Variants in SIGLEC5 observed in about 807,000 individuals in gnomAD.
SIGLEC5 encodes the protein sialic acid-binding Ig-like lectin 5.
SIGLEC5 carries 34 observed loss-of-function variants against 45.9 expected under a neutral mutation model. That is an observed-to-expected ratio of 0.74 (90% CI 0.56 to 0.99). SIGLEC5 has a LOEUF of 0.99. Among genes scored for constraint, SIGLEC5 ranks in the 50% least tolerant of loss-of-function variants. The pLI is 0.00. For missense variants in SIGLEC5, 508 were observed against 629.6 expected (o/e 0.81, Z 2.07); for synonymous variants, 203 against 258.6 (o/e 0.79, Z 2.06).
At chr19:51,613,712 C>T (rs1418385177) in intron 8 of SIGLEC5, among the ~76,000 whole-genome samples, 2 of 152,032 alleles carry the variant, frequency 1.3e-5, no homozygotes, top group African/African-American at 4.8e-5. Context: ...TCTAATTATC[C>T]CCACCTTACA....
chr19:51,627,046 A>G, intron 7 of SIGLEC5, 103 bp downstream of exon 7: 1 of 834,960 alleles, frequency 1.2e-6, no homozygotes, highest in Non-Finnish European at 1.9e-6. Context: ...TGGAACCACA[A>G]GCACACATCA....
chr19:51,623,777 G>A (rs11084095), intron 8 of SIGLEC5, among the ~76,000 whole-genome samples: 45,594 of 152,154 alleles, frequency 0.3, 8,341 homozygotes, highest in Non-Finnish European at 0.4. Context: ...TGATGCTAAA[G>A]GAAAGCTCGT....
At chr19:51,629,174 C>A (rs954089457) in intron 3 of SIGLEC5, 98 bp from the exon 4 acceptor site, 9 of 1,526,110 alleles carry the variant, frequency 5.9e-6, no homozygotes, top group African/African-American at 4.1e-5. Context: ...ACCCACCAAG[C>A]GGGGAAGGCT....
rs985935767 is a variant in SIGLEC5, at chr19:51,629,177, G to A, written c.701-101C>T. The A allele has an allele frequency of 9.8e-6, 15 of 1,527,364 alleles. No homozygotes were observed. In the African/African-American group the frequency reaches 1.9e-4, roughly 20 times the overall value. The allele number at this position is 1,527,364 out of a possible 1,614,324, so 94.6% of individuals were successfully genotyped here. Reference sequence around the variant, plus strand: ...GGAGCCACAGAAACCCACCAAGCGGGGAAGGCTGTCCTGTCTCACTCCCCG... The same window carrying A: ...GGAGCCACAGAAACCCACCAAGCGGAGAAGGCTGTCCTGTCTCACTCCCCG... On this transcript the variant is annotated intron_variant, in intron 3 of 8. Transcript: ENST00000683636.
intron 8 of SIGLEC5, among the ~76,000 whole-genome samples, chr19:51,616,744 T>C (rs1252810733): frequency 6.6e-6 from 1 of 151,418 alleles, no homozygotes; most frequent in East Asian, 1.9e-4. Flanking sequence ...AAATCCTGTC[T>C]CTAAAAAAAT....
chr19:51,622,079 G>A (rs1426749973), intron 8 of SIGLEC5, among the ~76,000 whole-genome samples: 3 of 152,064 alleles, frequency 2.0e-5, no homozygotes, highest in Non-Finnish European at 4.4e-5. Context: ...TGTATTTTTT[G>A]GAATTTGACA....
chr19:51,616,638 G>A (rs1402673994), intron 8 of SIGLEC5, among the ~76,000 whole-genome samples: 3 of 152,108 alleles, frequency 2.0e-5, no homozygotes, highest in Non-Finnish European at 4.4e-5. Flanking sequence ...CTGGCCAGGC[G>A]TGGTGGCTCA....
intron 8 of SIGLEC5, among the ~76,000 whole-genome samples, chr19:51,613,724 A>G (rs1026422096): frequency 2.6e-5 from 4 of 152,124 alleles, no homozygotes; most frequent in African/African-American, 9.7e-5. Flanking sequence ...CACCTTACAC[A>G]CAGGGAAACT....
At chr19:51,622,911 C>A (rs1284253558) in intron 8 of SIGLEC5, among the ~76,000 whole-genome samples, 1 of 152,174 alleles carries the variant, frequency 6.6e-6, no homozygotes, top group African/African-American at 2.4e-5. Flanking sequence ...ACATAATGAT[C>A]TCCAGTTCCA....
intron 8 of SIGLEC5, among the ~76,000 whole-genome samples, chr19:51,623,800 G>A (rs4801882): frequency 0.36 from 55,317 of 152,024 alleles, 11,384 homozygotes; most frequent in East Asian, 0.56. Context: ...GTGTTAGTAC[G>A]GTGAGACAAG....
chr19:51,613,507 C>T, intron 8 of SIGLEC5, among the ~76,000 whole-genome samples: 1 of 151,982 alleles, frequency 6.6e-6, no homozygotes, highest in East Asian at 2.0e-4. Context: ...CTGTACGTGC[C>T]CAGGAACCGG....
chr19:51,615,160 T>G (rs1983008044), intron 8 of SIGLEC5, among the ~76,000 whole-genome samples: 1 of 152,170 alleles, frequency 6.6e-6, no homozygotes, highest in Non-Finnish European at 1.5e-5. Flanking sequence ...CTACCATAGT[T>G]CTTGTCAAAA....
chr19:51,627,097 C>G (rs1983507141), intron 7 of SIGLEC5, 52 bp downstream of exon 7: 7 of 1,406,962 alleles, frequency 5.0e-6, no homozygotes, highest in African/African-American at 1.4e-5. Flanking sequence ...GATTCAGTCT[C>G]TCCTACTCCC....
intron 8 of SIGLEC5, among the ~76,000 whole-genome samples, chr19:51,623,326 A>G (rs113981661): frequency 0.012 from 1,767 of 152,334 alleles, 33 homozygotes; most frequent in African/African-American, 0.041. Context: ...TATTACAACT[A>G]GGAACTTATG....
At chr19:51,626,151 C>G in intron 7 of SIGLEC5, 38 bp from the exon 8 acceptor site, 1 of 1,557,908 alleles carries the variant, frequency 6.4e-7, no homozygotes, top group African/African-American at 1.4e-5. Context: ...CTGGGACCAC[C>G]CAGGCACGGG....
chr19:51,628,623 G>C (rs1161717056), intron 4 of SIGLEC5, among the ~76,000 whole-genome samples: 1 of 150,222 alleles, frequency 6.7e-6, no homozygotes, highest in Non-Finnish European at 1.5e-5. Flanking sequence ...ATGTGTGCGT[G>C]TGTGGGTGTA....
intron 8 of SIGLEC5, among the ~76,000 whole-genome samples, chr19:51,625,367 C>A (rs1298357896): frequency 6.6e-6 from 1 of 152,176 alleles, no homozygotes; most frequent in Admixed American, 6.5e-5. Flanking sequence ...CAAACAACAA[C>A]AACATTGAAA....
chr19:51,625,250 G>T (rs994343580), intron 8 of SIGLEC5, among the ~76,000 whole-genome samples: 5 of 152,230 alleles, frequency 3.3e-5, no homozygotes, highest in African/African-American at 1.2e-4. Context: ...GGAGACAGAA[G>T]GCCAGCGTGG....
Position 51,611,498 on chromosome 19 carries a change from T to C in SIGLEC5, c.*733A>G, listed in dbSNP as rs1006698638. Among the ~76,000 whole-genome samples the C allele has an allele frequency of 1.3e-5, 2 of 152,206 alleles. No homozygotes were observed. The highest frequency in any genetic ancestry group is 2.9e-5 in the Non-Finnish European group (2 of 68,020). On this transcript the variant is annotated 3_prime_UTR_variant, in exon 9 of 9. Transcript: ENST00000683636. ...AAATGAATAGATAGCAGGGAGATCA[T>C]GAAGGACTTTATGTGTCAGGGGAGA...
Sources: allele counts gnomAD v4.1 joint callset (sites outside exome capture counted in the v4.1 genomes callset), GRCh38; gene constraint gnomAD v4.1.1; transcripts MANE v1.5; gene names NCBI Gene and HGNC (gene_info 2026-07-23, HGNC 2026-07-21).